SKI: variants seen among roughly 807,000 people sequenced by gnomAD.
SKI encodes the protein SKI proto-oncogene.
In SKI, 23 loss-of-function variants were observed where a neutral mutation model predicts 59.3. The observed-to-expected ratio is 0.39, with a 90% CI of 0.28 to 0.55. SKI has a LOEUF of 0.55. Among genes scored for constraint, SKI ranks in the 20% least tolerant of loss-of-function variants. SKI has a pLI of 0.67. For synonymous variants in SKI, 673 were observed against 488.6 expected, an observed-to-expected ratio of 1.38 and a Z score of -4.98; for missense variants, 1,017 against 1,038.9, an observed-to-expected ratio of 0.98 and a Z score of 0.29.
chr1:2,244,488 G>A (rs1341782920), intron 1 of SKI, among the ~76,000 whole-genome samples: 1 of 152,162 alleles, frequency 6.6e-6, no homozygotes, highest in Non-Finnish European at 1.5e-5. Flanking sequence ...GCTGAGGCTG[G>A]AGAATAGCTT....
intron 1 of SKI, among the ~76,000 whole-genome samples, chr1:2,237,020 C>T (rs570271005): frequency 6.6e-6 from 1 of 152,330 alleles, no homozygotes; most frequent in Admixed American, 6.5e-5. Context: ...GATGCCATCA[C>T]CCAAATCAGG....
chr1:2,254,449 T>C (rs1327148797), intron 1 of SKI, among the ~76,000 whole-genome samples: 2 of 152,192 alleles, frequency 1.3e-5, no homozygotes, highest in South Asian at 4.1e-4. Flanking sequence ...AGGATTACCG[T>C]CCCTTCCCGA....
rs1214870224 is a variant in SKI, at chr1:2,308,196, T to C, written c.*1431T>C. ...ACAGGAGTTCTTTGCTTGAATCCGTTCTAACACCCGCGGCAGCTGCACGCG... is the reference window on the plus strand; with the variant it reads ...ACAGGAGTTCTTTGCTTGAATCCGTCCTAACACCCGCGGCAGCTGCACGCG... On this transcript the variant is annotated 3_prime_UTR_variant, in exon 7 of 7. Coordinates refer to ENST00000378536, the MANE Select transcript of SKI (RefSeq NM_003036.4). 6.6e-6 allele frequency: 1 copy of C among 152,212 alleles called. No individual in the cohort carries two copies. Among genetic ancestry groups the C allele is most frequent in the Non-Finnish European group, 1.5e-5 (1 of 68,030 alleles). 9.4% of individuals were successfully genotyped at this position (152,212 alleles called of 1,614,324 possible). A position where few individuals can be genotyped will look rare whatever the true frequency, so the allele number is the denominator to read the frequency against.
At chr1:2,297,494 C>T (rs1471680814) in intron 1 of SKI, among the ~76,000 whole-genome samples, 6 of 152,220 alleles carry the variant, frequency 3.9e-5, no homozygotes, top group Non-Finnish European at 8.8e-5. Flanking sequence ...AGATTGTGGG[C>T]GATCCTGCCG....
rs878917058 is a variant in SKI at position 2,307,012 on chromosome 1, G to C, written c.*247G>C. On this transcript the variant is annotated 3_prime_UTR_variant, in exon 7 of 7. Coordinates refer to ENST00000378536, the MANE Select transcript of SKI (RefSeq NM_003036.4). ...GGAGACGGGGCCAGCTCGGCGGCCT[G>C]CTGGTCCTCTGCTTGCTGGAACATT... The C allele has an allele frequency of 1.7e-5, 5 of 301,984 alleles. No homozygotes were observed. The highest frequency in any genetic ancestry group is 5.3e-5 in the Admixed American group (1 of 19,002). The allele number at this position is 301,984 out of a possible 1,614,324, so 18.7% of individuals were successfully genotyped here. A position where few individuals can be genotyped will look rare whatever the true frequency, so the allele number is the denominator to read the frequency against.
Position 2,303,153 on chromosome 1 carries a change from C to T in SKI, c.1095+50C>T. ...TTGGGGTGGTGGGTACTGGGCCCTT[C>T]TCCTTGGGCAGACCCAGCGGCTGGC... is the stretch of plus-strand genomic sequence containing the variant. On this transcript the variant is annotated intron_variant, in intron 2 of 6. Transcript: ENST00000378536. The surrounding 1 kb of genome is among the most constrained non-coding windows in gnomAD (Gnocchi z 5.6). 3 of 1,610,798 alleles carry T rather than the reference C, an allele frequency of 1.9e-6. No individual in the cohort carries two copies. The highest frequency in any genetic ancestry group is 1.1e-5 in the South Asian group (1 of 91,040).
intron 1 of SKI, among the ~76,000 whole-genome samples, chr1:2,260,489 A>AG (rs1012703854): frequency 6.9e-6 from 1 of 145,062 alleles, no homozygotes; most frequent in African/African-American, 2.6e-5. Context: ...TGAAGAGTAG[A>AG]ACTGCAAAAT....
chr1:2,260,535 CTTTTTTTT>C (rs3065260), intron 1 of SKI, among the ~76,000 whole-genome samples: 3 of 67,820 alleles, frequency 4.4e-5, no homozygotes, highest in African/African-American at 6.2e-5. Context: ...TGTTCTTTTT[CTTTTTTTT>C]TTTTTTTTTT....
At chr1:2,274,785 C>G (rs1466157634) in intron 1 of SKI, among the ~76,000 whole-genome samples, 1 of 152,206 alleles carries the variant, frequency 6.6e-6, no homozygotes, top group African/African-American at 2.4e-5. Flanking sequence ...AGGGACCCCA[C>G]TTTCTGGGTG....
intron 1 of SKI, among the ~76,000 whole-genome samples, chr1:2,261,746 G>A (rs1172904144): frequency 2.0e-5 from 3 of 152,268 alleles, no homozygotes; most frequent in Non-Finnish European, 4.4e-5. Context: ...CCTGCTTAAT[G>A]GCACCGGCTA....
intron 1 of SKI, among the ~76,000 whole-genome samples, chr1:2,300,367 G>A (rs1019891497): frequency 6.6e-6 from 1 of 151,738 alleles, no homozygotes; most frequent in Non-Finnish European, 1.5e-5. Flanking sequence ...CGTGGCCTGT[G>A]GGCTCCAAGG....
rs1394674673 is a variant in SKI at position 2,307,004 on chromosome 1, G to A, written c.*239G>A. The A allele has an allele frequency of 6.5e-6, 2 of 307,080 alleles. No homozygotes were observed. The highest frequency in any genetic ancestry group is 2.2e-5 in the African/African-American group (1 of 44,602). The allele number at this position is 307,080 out of a possible 1,614,324, so 19.0% of individuals were successfully genotyped here. On this transcript the variant is annotated 3_prime_UTR_variant, in exon 7 of 7. Coordinates refer to ENST00000378536, the MANE Select transcript of SKI (RefSeq NM_003036.4). ...CTACAGCTGGAGACGGGGCCAGCTC[G>A]GCGGCCTGCTGGTCCTCTGCTTGCT... is the stretch of plus-strand genomic sequence containing the variant.
chr1:2,303,773 C>T lies in SKI; in HGVS notation c.1212-67C>T, dbSNP rs1319311266. 1.5e-5 allele frequency: 24 copies of T among 1,581,844 alleles called. No individual in the cohort carries two copies. Among genetic ancestry groups the T allele is most frequent in the Middle Eastern group, 1.9e-4 (1 of 5,290 alleles). ...GTTTAACACCTTCAGAGGGGGTGTG[C>T]GCCAGGATGTGTCTGGGTGGTGCTT... On this transcript the variant is annotated intron_variant, in intron 3 of 6. Coordinates refer to ENST00000378536, the MANE Select transcript of SKI (RefSeq NM_003036.4). This position sits in a 1 kb window ranked among gnomAD's most constrained non-coding sequence, Gnocchi z 5.6.
At chr1:2,278,916 C>A (rs1180366886) in intron 1 of SKI, among the ~76,000 whole-genome samples, 1 of 152,220 alleles carries the variant, frequency 6.6e-6, no homozygotes, top group Non-Finnish European at 1.5e-5. Context: ...CGCACCCCCC[C>A]ATCCAATTTC....
intron 1 of SKI, among the ~76,000 whole-genome samples, chr1:2,273,323 C>CT (rs1437832418): frequency 6.6e-6 from 1 of 152,170 alleles, no homozygotes; most frequent in Non-Finnish European, 1.5e-5. Flanking sequence ...CCCGCCAGTG[C>CT]CGGAGACCCT....
Position 2,304,083 on chromosome 1 carries a change from AG to A in SKI, c.1456del (p.Val486LeufsTer86). 1 of 1,612,480 alleles carries A rather than the reference AG, an allele frequency of 6.2e-7. No homozygotes were observed. On this transcript the variant is annotated frameshift_variant, in exon 4 of 7. Coordinates refer to ENST00000378536, the MANE Select transcript of SKI (RefSeq NM_003036.4). LOFTEE classifies it high-confidence loss of function. ...EDKDSEAEVE[V>X]ESREEFTSSL... ...ACAAGGACTCGGAGGCGGAGGTGGAAGTTGAAAGCAGGGAGGAATGTACGTG... is the reference window on the plus strand; with the variant it reads ...ACAAGGACTCGGAGGCGGAGGTGGAATTGAAAGCAGGGAGGAATGTACGTG...
intron 1 of SKI, among the ~76,000 whole-genome samples, chr1:2,236,499 C>T (rs979654580): frequency 3.3e-5 from 5 of 152,074 alleles, no homozygotes; most frequent in African/African-American, 7.2e-5. Context: ...CTCAGCCTCC[C>T]GGGTTCAAGC....
chr1:2,280,435 C>T (rs925270252), intron 1 of SKI, among the ~76,000 whole-genome samples: 20 of 151,914 alleles, frequency 1.3e-4, no homozygotes, highest in South Asian at 4.2e-4. Context: ...CTTCTACCCT[C>T]GTTGGGGAAG....
At chr1:2,256,294 T>C (rs1279305291) in intron 1 of SKI, among the ~76,000 whole-genome samples, 2 of 152,224 alleles carry the variant, frequency 1.3e-5, no homozygotes, top group Non-Finnish European at 2.9e-5. Flanking sequence ...CCTCATTTCC[T>C]GTCTGTGCTG....
Sources: allele counts gnomAD v4.1 joint callset (sites outside exome capture counted in the v4.1 genomes callset), GRCh38; gene constraint gnomAD v4.1.1; non-coding constraint Gnocchi (gnomAD v3.1); transcripts MANE v1.5; gene names NCBI Gene and HGNC (gene_info 2026-07-23, HGNC 2026-07-21).